The following PIKFYVE variants were observed in gnomAD, a reference collection of about 807,000 sequenced individuals.
The protein encoded by PIKFYVE is 1-phosphatidylinositol 3-phosphate 5-kinase.
PIKFYVE carries 122 observed loss-of-function variants against 257.9 expected under a neutral mutation model. That is an observed-to-expected ratio of 0.47 (90% CI 0.41 to 0.55). The LOEUF is 0.55. Ranked by LOEUF, PIKFYVE falls within the 20% of genes least tolerant of loss-of-function variation. The pLI, the probability that PIKFYVE is intolerant of heterozygous loss-of-function variation, is 0.00. For synonymous variants in PIKFYVE, 892 were observed against 868.9 expected (o/e 1.03, Z -0.47); for missense variants, 2,160 against 2,536.6 (o/e 0.85, Z 3.19).
rs974831112 is a variant in PIKFYVE at position 208,302,130 on chromosome 2, A to G, written c.1209-112A>G. 3.3e-6 allele frequency: 3 copies of G among 900,316 alleles called. No individual in the cohort carries two copies. In the Admixed American group the frequency reaches 6.0e-5, roughly 18 times the overall value. 55.8% of individuals were successfully genotyped at this position (900,316 alleles called of 1,614,324 possible). On this transcript the variant is annotated intron_variant, in intron 9 of 41. Transcript: ENST00000264380. Reference sequence around the variant, plus strand: ...TTTACTTATCCAAGGGCCATTTGAAATTCTAACTCTGATTAGAACTGAAAA... The same window carrying G: ...TTTACTTATCCAAGGGCCATTTGAAGTTCTAACTCTGATTAGAACTGAAAA...
intron 14 of PIKFYVE, 56 bp from the exon 15 acceptor site, chr2:208,315,137 T>C (rs964591363): frequency 6.9e-6 from 10 of 1,455,918 alleles, no homozygotes; most frequent in Non-Finnish European, 9.6e-6. Flanking sequence ...ATCATCAGAA[T>C]TATTGTCTCT....
intron 1 of PIKFYVE, among the ~76,000 whole-genome samples, chr2:208,267,914 G>A (rs1451809301): frequency 2.0e-5 from 3 of 152,316 alleles, no homozygotes; most frequent in African/African-American, 7.2e-5. Context: ...AAAGTGCTGG[G>A]ATCACAGGTG....
At chr2:208,326,482 C>T (rs562934214) in intron 20 of PIKFYVE, 53 bp downstream of exon 20, 1 of 1,569,392 alleles carries the variant, frequency 6.4e-7, no homozygotes, top group Non-Finnish European at 8.8e-7. Context: ...TGTTGAATGA[C>T]TCCTCAAAGG....
chr2:208,333,546 G>A, intron 24 of PIKFYVE, 53 bp downstream of exon 24: 3 of 1,569,436 alleles, frequency 1.9e-6, no homozygotes, highest in African/African-American at 2.7e-5. Context: ...AATCCCTTAA[G>A]AATTTTTTTA....
intron 7 of PIKFYVE, among the ~76,000 whole-genome samples, chr2:208,297,035 G>A (rs1368018171): frequency 6.6e-6 from 1 of 152,156 alleles, no homozygotes; most frequent in Non-Finnish European, 1.5e-5. Flanking sequence ...GTGTAGAAGT[G>A]TAGGGATACC....
chr2:208,333,510 A>G lies in PIKFYVE; in HGVS notation c.4142+17A>G, dbSNP rs774493171. Reference sequence around the variant, plus strand: ...GTCTTTCAGGTAAGAAATCCTAGGAATCTTGTGCATGATCTCAGATCTCAT... The same window carrying G: ...GTCTTTCAGGTAAGAAATCCTAGGAGTCTTGTGCATGATCTCAGATCTCAT... On this transcript the variant is annotated intron_variant, in intron 24 of 41. Transcript: ENST00000264380. 4 of 1,606,778 alleles carry G rather than the reference A, an allele frequency of 2.5e-6. No individual in the cohort carries two copies. The highest frequency in any genetic ancestry group is 3.3e-5 in the Admixed American group (2 of 59,988).
chr2:208,270,569 C>G (rs1689288009), intron 1 of PIKFYVE, among the ~76,000 whole-genome samples: 1 of 152,016 alleles, frequency 6.6e-6, no homozygotes, highest in South Asian at 2.1e-4. Context: ...AAACCAGGTT[C>G]ATGTGTTTAG....
chr2:208,350,343 A>G (rs1242306032), intron 36 of PIKFYVE, among the ~76,000 whole-genome samples: 1 of 152,164 alleles, frequency 6.6e-6, no homozygotes. Context: ...CTTATTATGT[A>G]ATCTAGAGCC....
Position 208,325,305 on chromosome 2 carries a change from C to T in PIKFYVE, c.2494C>T (p.Pro832Ser), listed in dbSNP as rs749972662. 3 of 1,613,936 alleles carry T rather than the reference C, an allele frequency of 1.9e-6. No homozygotes were observed. Among genetic ancestry groups the T allele is most frequent in the African/African-American group, 2.7e-5 (2 of 74,922 alleles). The change falls in exon 20 of 42, where the codon CCA becomes TCA. Residue 832 changes from proline (P) to serine (S), a missense_variant. Pro to Ser is a moderately conservative substitution (Grantham distance 74). Coordinates refer to ENST00000264380, the MANE Select transcript of PIKFYVE (RefSeq NM_015040.4). Reference protein sequence around the residue: ...TKTLMFFEGCPQHLGCTIKLR... With the variant: ...TKTLMFFEGCSQHLGCTIKLR... ...GACACTGATGTTTTTTGAAGGTTGT[C>T]CACAGCACCTAGGCTGTACAATCAA...
At chr2:208,271,798 G>C (rs1689453772) in intron 2 of PIKFYVE, 107 bp downstream of exon 2, 2 of 1,084,006 alleles carry the variant, frequency 1.8e-6, no homozygotes, top group Admixed American at 2.2e-5. Flanking sequence ...ACTCTGTTCA[G>C]CTTTAATGCT....
intron 17 of PIKFYVE, among the ~76,000 whole-genome samples, chr2:208,322,711 T>C (rs1422446824): frequency 1.3e-5 from 2 of 151,656 alleles, no homozygotes; most frequent in Non-Finnish European, 2.9e-5. Flanking sequence ...ATTTTTTTTA[T>C]TACACTTTAA....
chr2:208,345,041 C>A lies in PIKFYVE; in HGVS notation c.5028-70C>A, dbSNP rs1699102113. ...GTGCTTCTATAATGCAAAACTTACT[C>A]TAAAGCTTATGATTTACTTTTAAAG... On this transcript the variant is annotated intron_variant, in intron 32 of 41. Coordinates refer to ENST00000264380, the MANE Select transcript of PIKFYVE (RefSeq NM_015040.4). The A allele has an allele frequency of 3.6e-6, 4 of 1,123,832 alleles. No individual in the cohort carries two copies. In the East Asian group the frequency reaches 7.3e-5, roughly 21 times the overall value. 69.6% of individuals were successfully genotyped at this position (1,123,832 alleles called of 1,614,324 possible). A position where few individuals can be genotyped will look rare whatever the true frequency, so the allele number is the denominator to read the frequency against.
At chr2:208,308,708 G>GTT (rs1559097410) in intron 12 of PIKFYVE, among the ~76,000 whole-genome samples, 2 of 74,888 alleles carry the variant, frequency 2.7e-5, no homozygotes, top group Non-Finnish European at 7.1e-5. Flanking sequence ...ACTAGTAGTT[G>GTT]GTTTTTTTTT....
intron 9 of PIKFYVE, 50 bp from the exon 10 acceptor site, chr2:208,302,192 C>T: frequency 1.3e-6 from 2 of 1,500,022 alleles, no homozygotes; most frequent in Non-Finnish European, 1.9e-6. Context: ...TGGTACTTAA[C>T]TATTCTGACT....
intron 19 of PIKFYVE, 101 bp from the exon 20 acceptor site, chr2:208,325,169 G>A (rs866289556): frequency 1.9e-6 from 3 of 1,560,010 alleles, no homozygotes; most frequent in East Asian, 4.5e-5. Context: ...ATTCATGTAA[G>A]AGTTTTTCTT....
chr2:208,354,748 G>A (rs1700055406), intron 41 of PIKFYVE, 103 bp downstream of exon 41: 10 of 910,078 alleles, frequency 1.1e-5, no homozygotes, highest in Non-Finnish European at 1.8e-5. Context: ...AAAATAAGTG[G>A]TTATCATTGA....
rs761454846 is a variant in PIKFYVE at position 208,342,641 on chromosome 2, T to G, written c.5019T>G (p.Phe1673Leu). Residue 1673 changes from phenylalanine (F) to leucine (L), a missense_variant, in exon 32 of 42, where the codon TTT becomes TTG. Phe to Leu is a conservative substitution (Grantham distance 22). This residue lies in a region of PIKFYVE where 699 missense variants were observed against 855.8 expected (regional missense o/e 0.82). Coordinates refer to ENST00000264380, the MANE Select transcript of PIKFYVE (RefSeq NM_015040.4). ...AGGAACCCAGCTCCATCATTGCTTT[T>G]GCTCTCAGGTATTATTCATGGGACT... ...CEKEPSSIIA[F>L]ALSCKEYRNA... The G allele has an allele frequency of 6.8e-6, 11 of 1,608,062 alleles. No individual in the cohort carries two copies. The highest frequency in any genetic ancestry group is 8.5e-6 in the Non-Finnish European group (10 of 1,174,512).
chr2:208,271,664 T>G lies in PIKFYVE; in HGVS notation c.145T>G (p.Phe49Val). 6.2e-7 allele frequency: 1 copy of G among 1,613,968 alleles called. No homozygotes were observed. Among genetic ancestry groups the G allele is most frequent in the Non-Finnish European group, 8.5e-7 (1 of 1,179,840 alleles). ...CCCTTTTAAATCAGCTTATAGTTCTTTTGTAAATCTCTTTCGTTTTAACAA... is the reference window on the plus strand; with the variant it reads ...CCCTTTTAAATCAGCTTATAGTTCTGTTGTAAATCTCTTTCGTTTTAACAA... ...EPPFKSAYSS[F>V]VNLFRFNKER... Residue 49 changes from phenylalanine to valine, a missense_variant, in exon 2 of 42, where the codon TTT (phenylalanine) becomes GTT (valine). Physicochemically the swap from Phe to Val is conservative, Grantham distance 50 (BLOSUM62 -1). This residue lies in a region of PIKFYVE where 172 missense variants were observed against 180.6 expected (regional missense o/e 0.95). Coordinates refer to ENST00000264380, the MANE Select transcript of PIKFYVE (RefSeq NM_015040.4).
chr2:208,332,603 A>G (rs1697672738), intron 23 of PIKFYVE, among the ~76,000 whole-genome samples: 1 of 152,208 alleles, frequency 6.6e-6, no homozygotes, highest in African/African-American at 2.4e-5. Context: ...ACATGTCCAG[A>G]TACTCTGAAG....
Sources: allele counts gnomAD v4.1 joint callset (sites outside exome capture counted in the v4.1 genomes callset), GRCh38; gene constraint gnomAD v4.1.1; regional missense constraint gnomAD v4.1.1; transcripts MANE v1.5; gene names NCBI Gene and HGNC (gene_info 2026-07-23, HGNC 2026-07-21).